Variants in FHOD3 observed in about 807,000 individuals in gnomAD.
The protein encoded by FHOD3 is FH1/FH2 domain-containing protein 3.
Under a neutral mutation model 173.0 loss-of-function variants are expected in FHOD3, and 90 were observed. The ratio of observed to expected loss-of-function variants is 0.52; its 90% CI spans 0.44 to 0.62. The LOEUF (loss-of-function observed/expected upper bound fraction) is 0.62, where lower values mean the gene tolerates loss of function less well. FHOD3 is among the 20% of genes least tolerant of loss of function. FHOD3 has a pLI of 0.00. For synonymous variants in FHOD3, 828 were observed against 823.0 expected (o/e 1.01, Z -0.10); for missense variants, 1,945 against 2,034.7 (o/e 0.96, Z 0.85).
At chr18:36,324,114 C>T (rs192124950) in intron 1 of FHOD3, among the ~76,000 whole-genome samples, 1 of 152,312 alleles carries the variant, frequency 6.6e-6, no homozygotes, top group Admixed American at 6.5e-5. Context: ...AGCATAGCCA[C>T]ACACATGCAA....
rs2036124287 is a variant in FHOD3 at position 36,652,466 on chromosome 18, T to C, written c.1287-104T>C. On this transcript the variant is annotated intron_variant, in intron 11 of 28. Coordinates refer to ENST00000590592, the MANE Select transcript of FHOD3 (RefSeq NM_001281740.3). ...AGCTTGACTTTGAAGTGAGTGATAA[T>C]AGTACAGAAGTGGCTTTTTGCCTGT... 1.4e-5 allele frequency: 19 copies of C among 1,313,436 alleles called. No homozygotes were observed. In the South Asian group the frequency reaches 2.6e-4, roughly 18 times the overall value. The allele number at this position is 1,313,436 out of a possible 1,614,324, so 81.4% of individuals were successfully genotyped here.
At position 36,587,582 on chromosome 18, in the gene FHOD3, G is replaced by A. The variant is rs543640138; in HGVS notation, c.607-7205G>A. ...TGAGGAGGGTGGATCATCTGAGGTC[G>A]GGAGTTTGAGACCAGCCTGACCAAT... On this transcript the variant is annotated intron_variant, in intron 6 of 28. Coordinates refer to ENST00000590592, the MANE Select transcript of FHOD3 (RefSeq NM_001281740.3). 5.3e-5 allele frequency among the ~76,000 whole-genome samples: 8 copies of A among 152,128 alleles called. No homozygotes were observed. In the South Asian group the frequency reaches 1.2e-3, roughly 24 times the overall value.
chr18:36,772,693 C>T (rs987260909), intron 28 of FHOD3, among the ~76,000 whole-genome samples: 1 of 152,218 alleles, frequency 6.6e-6, no homozygotes, highest in Non-Finnish European at 1.5e-5. Flanking sequence ...CCAAGGGCCT[C>T]GTAATAGATT....
rs562223149 is a variant in FHOD3 at position 36,528,392 on chromosome 18, G to A, written c.511+15849G>A. Among the ~76,000 whole-genome samples the A allele has an allele frequency of 7.9e-5, 12 of 152,312 alleles. No homozygotes were observed. The East Asian group carries it at 2.1e-3, about 27-fold the overall frequency. Reference sequence around the variant, plus strand: ...GGCCTGGCTCTGGGCATTTGGAATAGTTTGCTGGGAGCAGTGCTGATCAGA... The same window carrying A: ...GGCCTGGCTCTGGGCATTTGGAATAATTTGCTGGGAGCAGTGCTGATCAGA... On this transcript the variant is annotated intron_variant, in intron 5 of 28. Coordinates refer to ENST00000590592, the MANE Select transcript of FHOD3 (RefSeq NM_001281740.3).
intron 24 of FHOD3, among the ~76,000 whole-genome samples, chr18:36,754,218 G>A (rs564797539): frequency 6.6e-5 from 10 of 152,010 alleles, no homozygotes; most frequent in African/African-American, 2.2e-4. Flanking sequence ...TTCATTATTC[G>A]TCTCAAAAAG....
intron 3 of FHOD3, among the ~76,000 whole-genome samples, chr18:36,381,822 C>T (rs1371626533): frequency 1.3e-5 from 2 of 152,200 alleles, no homozygotes; most frequent in Non-Finnish European, 2.9e-5. Context: ...GAATACAAGG[C>T]AGTAGCTCTA....
intron 17 of FHOD3, among the ~76,000 whole-genome samples, chr18:36,708,028 C>T (rs994294399): frequency 6.6e-6 from 1 of 152,046 alleles, no homozygotes; most frequent in Non-Finnish European, 1.5e-5. Flanking sequence ...GATCATTTTG[C>T]TACACATCCA....
intron 3 of FHOD3, among the ~76,000 whole-genome samples, chr18:36,380,562 C>G (rs964945424): frequency 2.0e-4 from 20 of 101,548 alleles, no homozygotes; most frequent in East Asian, 7.6e-4. Flanking sequence ...GTTTTCTTTT[C>G]TTTTCTTTTC....
Position 36,649,365 on chromosome 18 carries a change from GAA to G in FHOD3, c.1247_1248del (p.Glu416GlyfsTer5). The G allele has an allele frequency of 6.5e-7, 1 of 1,535,856 alleles. No homozygotes were observed. Among genetic ancestry groups the G allele is most frequent in the Non-Finnish European group, 8.7e-7 (1 of 1,146,742 alleles). ...EQPITEPSSEEEREDDASCQG... is the reference protein window; with the variant it reads ...EQPITEPSSEXEREDDASCQG... Reference sequence around the variant, plus strand: ...GCCAATCACGGAGCCCAGTTCCGAAGAAGAGAGAGAGGATGATGCTTCCTGTC... The same window carrying G: ...GCCAATCACGGAGCCCAGTTCCGAAGGAGAGAGAGGATGATGCTTCCTGTC... On this transcript the variant is annotated frameshift_variant, in exon 11 of 29. Coordinates refer to ENST00000590592, the MANE Select transcript of FHOD3 (RefSeq NM_001281740.3). LOFTEE classifies it high-confidence loss of function.
At chr18:36,308,218 T>C (rs2092154623) in intron 1 of FHOD3, among the ~76,000 whole-genome samples, 1 of 152,176 alleles carries the variant, frequency 6.6e-6, no homozygotes, top group Admixed American at 6.5e-5. Context: ...AAAATAAATA[T>C]TTTTTCTCAT....
chr18:36,665,899 G>A (rs189423864), intron 14 of FHOD3, among the ~76,000 whole-genome samples: 8 of 152,302 alleles, frequency 5.3e-5, no homozygotes, highest in Non-Finnish European at 1.2e-4. Context: ...GGTGGACTTG[G>A]GGCTGTGACA....
intron 17 of FHOD3, among the ~76,000 whole-genome samples, chr18:36,708,803 C>T (rs2040015538): frequency 1.3e-5 from 2 of 152,196 alleles, no homozygotes; most frequent in Non-Finnish European, 2.9e-5. Context: ...ACTTCCTTTT[C>T]TGCTGCCAAT....
intron 5 of FHOD3, among the ~76,000 whole-genome samples, chr18:36,566,514 G>T (rs959165755): frequency 6.6e-6 from 1 of 152,212 alleles, no homozygotes; most frequent in Admixed American, 6.5e-5. Flanking sequence ...GGGCCAGAGG[G>T]TTGGCTGGAG....
At chr18:36,709,003 C>T (rs2040025699) in intron 17 of FHOD3, 92 bp from the exon 18 acceptor site, 1 of 1,476,420 alleles carries the variant, frequency 6.8e-7, no homozygotes, top group Non-Finnish European at 9.2e-7. Flanking sequence ...ATCTGTCCAC[C>T]ACAGAGAAAT....
chr18:36,480,144 C>T (rs1035214867), intron 3 of FHOD3, among the ~76,000 whole-genome samples: 13 of 152,158 alleles, frequency 8.5e-5, no homozygotes, highest in African/African-American at 2.9e-4. Flanking sequence ...CCGTATAAGA[C>T]GGTTTATCCC....
intron 3 of FHOD3, among the ~76,000 whole-genome samples, chr18:36,429,278 C>G (rs948757501): frequency 1.3e-5 from 2 of 152,096 alleles, no homozygotes; most frequent in African/African-American, 2.4e-5. Flanking sequence ...TGGAGTGATA[C>G]CTTGTATAAT....
intron 3 of FHOD3, among the ~76,000 whole-genome samples, chr18:36,392,735 C>T (rs1054021753): frequency 6.6e-6 from 1 of 152,202 alleles, no homozygotes; most frequent in South Asian, 2.1e-4. Flanking sequence ...TAATTTGTAC[C>T]TCATAGATTC....
chr18:36,681,362 G>A (rs2038225356), intron 14 of FHOD3, 74 bp from the exon 15 acceptor site: 1 of 1,575,052 alleles, frequency 6.3e-7, no homozygotes, highest in Admixed American at 1.7e-5. Flanking sequence ...TCTAACCAAG[G>A]TCTGACTGGT....
intron 15 of FHOD3, among the ~76,000 whole-genome samples, chr18:36,686,333 C>G (rs1004629346): frequency 1.3e-5 from 2 of 151,836 alleles, no homozygotes; most frequent in African/African-American, 4.8e-5. Context: ...AGCCATCATT[C>G]TCAGCAAACT....
Sources: allele counts gnomAD v4.1 joint callset (sites outside exome capture counted in the v4.1 genomes callset), GRCh38; gene constraint gnomAD v4.1.1; transcripts MANE v1.5; gene names NCBI Gene and HGNC (gene_info 2026-07-23, HGNC 2026-07-21).